LCORL: variants seen among roughly 807,000 people sequenced by gnomAD.
LCORL encodes ligand-dependent nuclear receptor corepressor-like protein.
Under a neutral mutation model 141.8 loss-of-function variants are expected in LCORL, and 41 were observed. The ratio of observed to expected loss-of-function variants is 0.29; its 90% CI spans 0.23 to 0.38. The LOEUF is 0.38. Ranked by LOEUF, LCORL falls within the 10% of genes least tolerant of loss-of-function variation. The pLI is 1.00. For missense variants in LCORL, 1,759 were observed against 2,035.0 expected (o/e 0.86, Z 2.61); for synonymous variants, 618 against 694.1 (o/e 0.89, Z 1.72).
chr4:18,020,761 T>C (rs867045472), intron 1 of LCORL: 44 of 151,960 alleles, frequency 2.9e-4, no homozygotes, highest in African/African-American at 1.0e-3. Context: ...TGTATATGTG[T>C]GTGTGTGTGT....
At chr4:17,945,412 T>G (rs920671656) in intron 4 of LCORL, among the ~76,000 whole-genome samples, 13 of 125,018 alleles carry the variant, frequency 1.0e-4, no homozygotes, top group African/African-American at 2.3e-4. Flanking sequence ...TAAATTGGGG[T>G]TTTTTTTTTT....
At chr4:18,006,320 A>C (rs767836331) in intron 1 of LCORL, among the ~76,000 whole-genome samples, 9 of 152,082 alleles carry the variant, frequency 5.9e-5, no homozygotes, top group Non-Finnish European at 1.3e-4. Flanking sequence ...ATTTTTATCA[A>C]AGCCATTCAA....
intron 4 of LCORL, among the ~76,000 whole-genome samples, chr4:17,913,578 G>C (rs773185562): frequency 2.6e-5 from 4 of 152,218 alleles, no homozygotes; most frequent in Non-Finnish European, 5.9e-5. Flanking sequence ...TTTATTATAA[G>C]AGTGTTCTGA....
At chr4:17,936,602 C>T (rs957746379) in intron 4 of LCORL, among the ~76,000 whole-genome samples, 1 of 152,150 alleles carries the variant, frequency 6.6e-6, no homozygotes, top group Non-Finnish European at 1.5e-5. Context: ...ATGGATATTG[C>T]AGAATCTGAA....
chr4:17,902,756 T>G (rs959424134), intron 5 of LCORL, among the ~76,000 whole-genome samples: 1 of 152,080 alleles, frequency 6.6e-6, no homozygotes, highest in African/African-American at 2.4e-5. Flanking sequence ...GTCTCTCAAA[T>G]AGTCACTTGA....
chr4:17,898,056 T>C lies in LCORL; in HGVS notation c.682+11038A>G, dbSNP rs371696472. Among the ~76,000 whole-genome samples, 19 of 152,320 alleles carry C rather than the reference T, an allele frequency of 1.2e-4. No homozygotes were observed. The East Asian group carries it at 3.5e-3, about 28-fold the overall frequency. On this transcript the variant is annotated intron_variant, in intron 5 of 7. Transcript: ENST00000635767. ...GTTTTTTACTTGATGTTGCTTGTTTTTTCTCTTACACTGAAAATACTGGTT... is the reference window on the plus strand; with the variant it reads ...GTTTTTTACTTGATGTTGCTTGTTTCTTCTCTTACACTGAAAATACTGGTT...
At chr4:17,906,256 T>C (rs1731594946) in intron 5 of LCORL, among the ~76,000 whole-genome samples, 2 of 152,314 alleles carry the variant, frequency 1.3e-5, no homozygotes, top group African/African-American at 2.4e-5. Context: ...ATCCATACCA[T>C]GGCAGAATGC....
intron 4 of LCORL, among the ~76,000 whole-genome samples, chr4:17,929,384 T>A (rs1439950994): frequency 6.6e-6 from 1 of 152,124 alleles, no homozygotes; most frequent in African/African-American, 2.4e-5. Flanking sequence ...AAGCTTACTA[T>A]AAATACAATA....
chr4:17,957,463 C>A (rs1340278868), intron 4 of LCORL, among the ~76,000 whole-genome samples: 1 of 151,740 alleles, frequency 6.6e-6, no homozygotes, highest in African/African-American at 2.4e-5. Flanking sequence ...ACCAGAAGCT[C>A]CAGAAGACAA....
intron 4 of LCORL, among the ~76,000 whole-genome samples, chr4:17,937,254 T>C (rs983378811): frequency 6.6e-6 from 1 of 152,158 alleles, no homozygotes; most frequent in African/African-American, 2.4e-5. Context: ...CATTGTAATA[T>C]GCTTCCACTG....
At chr4:17,900,810 G>A (rs1029049956) in intron 5 of LCORL, among the ~76,000 whole-genome samples, 3 of 152,144 alleles carry the variant, frequency 2.0e-5, no homozygotes, top group Non-Finnish European at 2.9e-5. Context: ...TCCAAAATAT[G>A]TCTAAATGGA....
chr4:17,866,320 T>C (rs950695835), intron 7 of LCORL, among the ~76,000 whole-genome samples: 2 of 152,184 alleles, frequency 1.3e-5, no homozygotes, highest in Non-Finnish European at 2.9e-5. Context: ...ATTAAATTCC[T>C]ATAGCACCAC....
At chr4:18,001,430 G>A (rs1281268028) in intron 1 of LCORL, among the ~76,000 whole-genome samples, 1 of 152,268 alleles carries the variant, frequency 6.6e-6, no homozygotes, top group East Asian at 1.9e-4. Context: ...GCTATGCTGA[G>A]CTTTCTAAGC....
rs1241774313 is a variant in LCORL, at chr4:17,962,094, T to C, written c.301-62A>G. 4 of 1,266,154 alleles carry C rather than the reference T, an allele frequency of 3.2e-6. No homozygotes were observed. In the African/African-American group the frequency reaches 4.6e-5, roughly 14 times the overall value. The allele number at this position is 1,266,154 out of a possible 1,614,324, so 78.4% of individuals were successfully genotyped here. A position where few individuals can be genotyped will look rare whatever the true frequency, so the allele number is the denominator to read the frequency against. On this transcript the variant is annotated intron_variant, in intron 3 of 7. Transcript: ENST00000635767. ...TTTTTAATTCAAACATGGAATTCCA[T>C]TAAAAATGACAAAAAATTAATGCTC...
chr4:17,873,730 A>G (rs1726623323), exon 7 of LCORL: 1 of 1,233,830 alleles, frequency 8.1e-7, no homozygotes, highest in African/African-American at 1.6e-5. Flanking sequence ...CTGTCAGTAG[A>G]TTCAGGAGAG....
At chr4:17,877,490 T>A (rs1182090882) in exon 7 of LCORL, 2 of 1,229,582 alleles carry the variant, frequency 1.6e-6, no homozygotes, top group African/African-American at 3.1e-5. Context: ...AGTTACTGGA[T>A]TTTTTAGTTT....
chr4:17,905,450 G>C (rs375873126), intron 5 of LCORL, among the ~76,000 whole-genome samples: 2 of 151,676 alleles, frequency 1.3e-5, no homozygotes, highest in South Asian at 4.2e-4. Context: ...ATTTATTAAG[G>C]ATTTTTGCAT....
At chr4:17,951,524 T>G (rs966378547) in intron 4 of LCORL, among the ~76,000 whole-genome samples, 1 of 152,206 alleles carries the variant, frequency 6.6e-6, no homozygotes, top group African/African-American at 2.4e-5. Flanking sequence ...CTCAACTTTT[T>G]TTTACATCTC....
intron 1 of LCORL, among the ~76,000 whole-genome samples, chr4:17,997,776 T>C (rs925582942): frequency 7.3e-6 from 1 of 137,730 alleles, no homozygotes; most frequent in Non-Finnish European, 1.5e-5. Context: ...CTACCATTAT[T>C]GTTTGTTTGT....
Sources: allele counts gnomAD v4.1 joint callset (sites outside exome capture counted in the v4.1 genomes callset), GRCh38; gene constraint gnomAD v4.1.1; transcripts MANE v1.5; gene names NCBI Gene and HGNC (gene_info 2026-07-23, HGNC 2026-07-21).